Variants in MACROD2 observed in about 807,000 individuals in gnomAD.
MACROD2 encodes ADP-ribose glycohydrolase MACROD2.
A neutral mutation model predicts 70.4 loss-of-function variants in MACROD2; 36 were observed. The observed-to-expected ratio is 0.51, with a 90% confidence interval of 0.39 to 0.68. MACROD2 has a LOEUF of 0.68. Among genes scored for constraint, MACROD2 ranks in the 30% least tolerant of loss-of-function variants. MACROD2 has a pLI of 0.00. For synonymous variants in MACROD2, 172 were observed against 178.8 expected (o/e 0.96, Z 0.30); for missense variants, 496 against 538.4 (o/e 0.92, Z 0.78).
intron 3 of MACROD2, among the ~76,000 whole-genome samples, chr20:14,312,822 G>A (rs928456942): frequency 6.6e-6 from 1 of 152,230 alleles, no homozygotes. Flanking sequence ...TGCCCTGCTA[G>A]TAAGTGGTAG....
chr20:14,920,877 A>C lies in MACROD2; in HGVS notation c.418+235918A>C, dbSNP rs1427264180. ...TTAATTGAGGTTCCTCCACACATTCACATTAGGAAAGTCACTTGGTCTTTA... is the reference window on the plus strand; with the variant it reads ...TTAATTGAGGTTCCTCCACACATTCCCATTAGGAAAGTCACTTGGTCTTTA... On this transcript the variant is annotated intron_variant, in intron 5 of 17. Coordinates refer to ENST00000684519, the MANE Select transcript of MACROD2 (RefSeq NM_001351661.2). Among the ~76,000 whole-genome samples the C allele has an allele frequency of 2.6e-5, 4 of 152,300 alleles. No individual in the cohort carries two copies. The East Asian group carries it at 7.7e-4, about 29-fold the overall frequency.
intron 8 of MACROD2, among the ~76,000 whole-genome samples, chr20:15,583,068 G>A (rs1328336923): frequency 6.6e-6 from 1 of 152,084 alleles, no homozygotes; most frequent in African/African-American, 2.4e-5. Context: ...TAAGTGCAGT[G>A]TGGTCTACCG....
intron 5 of MACROD2, among the ~76,000 whole-genome samples, chr20:14,892,324 A>C (rs1392249434): frequency 1.3e-5 from 2 of 152,086 alleles, no homozygotes; most frequent in African/African-American, 4.8e-5. Flanking sequence ...ATTCAAAAAA[A>C]ATTAGCCGGG....
chr20:14,469,834 T>G (rs1448975881), intron 3 of MACROD2, among the ~76,000 whole-genome samples: 1 of 152,004 alleles, frequency 6.6e-6, no homozygotes, highest in Non-Finnish European at 1.5e-5. Context: ...CCTCTAACCT[T>G]TTTTCAAGGT....
intron 8 of MACROD2, among the ~76,000 whole-genome samples, chr20:15,756,977 A>G (rs1396502566): frequency 6.6e-6 from 1 of 152,104 alleles, no homozygotes; most frequent in East Asian, 1.9e-4. Context: ...AGCTGATTAA[A>G]CCCTCAAATT....
chr20:14,781,402 T>C (rs147710049), intron 5 of MACROD2, among the ~76,000 whole-genome samples: 105 of 150,960 alleles, frequency 7.0e-4, no homozygotes, highest in East Asian at 1.4e-3. Context: ...TTTTCATTTG[T>C]CTTGAGCTCT....
chr20:14,163,871 G>T (rs1394388203), intron 3 of MACROD2, among the ~76,000 whole-genome samples: 1 of 151,322 alleles, frequency 6.6e-6, no homozygotes, highest in African/African-American at 2.4e-5. Context: ...TATTTGTATT[G>T]TTTTTCAGAG....
intron 5 of MACROD2, among the ~76,000 whole-genome samples, chr20:15,110,339 T>C (rs578151836): frequency 2.6e-4 from 39 of 152,280 alleles, no homozygotes; most frequent in African/African-American, 8.7e-4. Flanking sequence ...TGCACTGGAA[T>C]TGGGGACATC....
intron 3 of MACROD2, among the ~76,000 whole-genome samples, chr20:14,235,520 A>G (rs958808215): frequency 1.2e-4 from 19 of 152,176 alleles, no homozygotes; most frequent in Non-Finnish European, 2.1e-4. Context: ...CTTAACTAAC[A>G]TGACTCATTT....
intron 5 of MACROD2, among the ~76,000 whole-genome samples, chr20:15,008,180 C>G (rs2075054665): frequency 6.6e-6 from 1 of 152,044 alleles, no homozygotes; most frequent in African/African-American, 2.4e-5. Context: ...TATTTAAAAT[C>G]TTATAGAATT....
chr20:15,040,169 G>C (rs932713234), intron 5 of MACROD2, among the ~76,000 whole-genome samples: 12 of 152,082 alleles, frequency 7.9e-5, no homozygotes, highest in African/African-American at 2.2e-4. Flanking sequence ...CAAAAAATTA[G>C]CCAGGTGTGG....
chr20:14,756,889 G>A (rs540587601), intron 5 of MACROD2, among the ~76,000 whole-genome samples: 20 of 152,038 alleles, frequency 1.3e-4, no homozygotes, highest in Non-Finnish European at 2.1e-4. Context: ...GGGATCTGAC[G>A]GTCTTATAAG....
chr20:14,702,665 A>G lies in MACROD2; in HGVS notation c.418+17706A>G, dbSNP rs371087708. On this transcript the variant is annotated intron_variant, in intron 5 of 17. Coordinates refer to ENST00000684519, the MANE Select transcript of MACROD2 (RefSeq NM_001351661.2). The stretch of plus-strand genomic sequence containing the variant: ...TATATATATACACATATATATGTGT[A>G]TATATATATACACATATATGTGTAT... Among the ~76,000 whole-genome samples the G allele has an allele frequency of 8.2e-4, 64 of 78,132 alleles. 4 individuals carry two copies. Among genetic ancestry groups the G allele is most frequent in the Admixed American group, 4.1e-3 (26 of 6,274 alleles). The allele number at this position is 78,132 out of a possible 152,430, so 51.3% of individuals were successfully genotyped here.
chr20:14,393,332 C>G (rs770391556), intron 3 of MACROD2, among the ~76,000 whole-genome samples: 1 of 152,086 alleles, frequency 6.6e-6, no homozygotes, highest in Non-Finnish European at 1.5e-5. Context: ...AGTCAATAAC[C>G]TAGTGTGCAA....
chr20:14,377,664 C>T (rs1347558289), intron 3 of MACROD2, among the ~76,000 whole-genome samples: 1 of 152,188 alleles, frequency 6.6e-6, no homozygotes, highest in Non-Finnish European at 1.5e-5. Flanking sequence ...CAGATGCCAA[C>T]TAAGTTGGAT....
At chr20:15,486,078 T>C (rs1239612398) in intron 7 of MACROD2, among the ~76,000 whole-genome samples, 1 of 152,158 alleles carries the variant, frequency 6.6e-6, no homozygotes, top group Non-Finnish European at 1.5e-5. Flanking sequence ...ATGTATTTTA[T>C]AATTTCTTCA....
intron 6 of MACROD2, among the ~76,000 whole-genome samples, chr20:15,315,829 C>A (rs1376052200): frequency 6.6e-6 from 1 of 152,002 alleles, no homozygotes; most frequent in Non-Finnish European, 1.5e-5. Flanking sequence ...CTTTTGATTT[C>A]TTATATGATT....
chr20:15,813,463 T>C (rs1600933437), intron 8 of MACROD2, among the ~76,000 whole-genome samples: 1 of 152,170 alleles, frequency 6.6e-6, no homozygotes, highest in Admixed American at 6.6e-5. Flanking sequence ...TAGAATTAAA[T>C]ATATTGTCAC....
chr20:14,129,204 G>T (rs970534230), intron 3 of MACROD2, among the ~76,000 whole-genome samples: 1 of 152,168 alleles, frequency 6.6e-6, no homozygotes, highest in Admixed American at 6.5e-5. Context: ...TGTAATTCAT[G>T]GAAGGAGGTC....
Sources: allele counts gnomAD v4.1 joint callset (sites outside exome capture counted in the v4.1 genomes callset), GRCh38; gene constraint gnomAD v4.1.1; transcripts MANE v1.5; gene names NCBI Gene and HGNC (gene_info 2026-07-23, HGNC 2026-07-21).